Variants in GRM1 observed in about 807,000 individuals in gnomAD.
GRM1 encodes glutamate metabotropic receptor 1, also known as metabotropic glutamate receptor 1.
In GRM1, 33 loss-of-function variants were observed where a neutral mutation model predicts 90.9. The ratio of observed to expected loss-of-function variants is 0.36; its 90% CI spans 0.28 to 0.49. The LOEUF (loss-of-function observed/expected upper bound fraction) is 0.49, where lower values mean the gene tolerates loss of function less well. GRM1 is among the 20% of genes least tolerant of loss of function. The pLI is 0.99. For missense variants in GRM1, 1,190 were observed against 1,534.3 expected (o/e 0.78, Z 3.75); for synonymous variants, 700 against 613.2 (o/e 1.14, Z -2.09).
chr6:146,294,439 TG>T (rs1783105562), intron 2 of GRM1, among the ~76,000 whole-genome samples: 1 of 152,080 alleles, frequency 6.6e-6, no homozygotes, highest in Non-Finnish European at 1.5e-5. Context: ...CTCAGAGATG[TG>T]GGCTATATAT....
chr6:146,427,592 G>A (rs542218165), intron 7 of GRM1, among the ~76,000 whole-genome samples: 1 of 152,324 alleles, frequency 6.6e-6, no homozygotes, highest in African/African-American at 2.4e-5. Context: ...TCAGTGGAGT[G>A]CAATGGGAAG....
chr6:146,106,630 G>A (rs1013330645), intron 1 of GRM1, among the ~76,000 whole-genome samples: 1 of 152,132 alleles, frequency 6.6e-6, no homozygotes, highest in Non-Finnish European at 1.5e-5. Context: ...CTTAAAACAA[G>A]AAATTTGTAT....
intron 1 of GRM1, among the ~76,000 whole-genome samples, chr6:146,100,116 G>A (rs1488490854): frequency 6.6e-6 from 1 of 152,040 alleles, no homozygotes; most frequent in Non-Finnish European, 1.5e-5. Flanking sequence ...TCTATTACCA[G>A]TTAGGTTGAG....
chr6:146,380,500 T>G (rs1202982168), intron 5 of GRM1, among the ~76,000 whole-genome samples: 2 of 152,056 alleles, frequency 1.3e-5, no homozygotes, highest in African/African-American at 4.8e-5. Context: ...AGTCAGCTTG[T>G]GGTAAATGCT....
intron 3 of GRM1, among the ~76,000 whole-genome samples, chr6:146,324,594 A>G (rs1279136962): frequency 1.3e-5 from 2 of 152,182 alleles, no homozygotes; most frequent in Non-Finnish European, 2.9e-5. Context: ...GGTTGCAAAG[A>G]CAGCAGGAAA....
intron 1 of GRM1, among the ~76,000 whole-genome samples, chr6:146,038,443 A>T (rs1349815816): frequency 6.6e-6 from 1 of 152,046 alleles, no homozygotes; most frequent in African/African-American, 2.4e-5. Context: ...AAGATGCAAC[A>T]GTGCTCCATA....
At chr6:146,034,388 A>G (rs1300387394) in intron 1 of GRM1, among the ~76,000 whole-genome samples, 1 of 151,990 alleles carries the variant, frequency 6.6e-6, no homozygotes, top group Non-Finnish European at 1.5e-5. Context: ...ATAGCTGACT[A>G]GAGTAGATCT....
intron 2 of GRM1, among the ~76,000 whole-genome samples, chr6:146,253,532 A>G (rs1781375201): frequency 1.3e-5 from 2 of 152,114 alleles, no homozygotes; most frequent in South Asian, 2.1e-4. Flanking sequence ...CATTCATTTT[A>G]TATATCTTAA....
intron 1 of GRM1, among the ~76,000 whole-genome samples, chr6:146,050,678 T>G (rs1284585815): frequency 6.6e-6 from 1 of 151,672 alleles, no homozygotes; most frequent in Non-Finnish European, 1.5e-5. Context: ...TCTTAGCTGC[T>G]CATTCTCCAA....
intron 1 of GRM1, among the ~76,000 whole-genome samples, chr6:146,050,310 G>A (rs1791480394): frequency 6.6e-6 from 1 of 151,936 alleles, no homozygotes; most frequent in African/African-American, 2.4e-5. Flanking sequence ...GAAAATGTGT[G>A]TCTCTCTAGA....
chr6:146,193,891 G>T (rs1192139300), intron 2 of GRM1, among the ~76,000 whole-genome samples: 1 of 151,834 alleles, frequency 6.6e-6, no homozygotes, highest in East Asian at 1.9e-4. Context: ...ACATACCTAG[G>T]AATGTAACTA....
intron 1 of GRM1, among the ~76,000 whole-genome samples, chr6:146,071,832 C>T (rs1776026649): frequency 6.6e-6 from 1 of 152,096 alleles, no homozygotes; most frequent in South Asian, 2.1e-4. Context: ...GCCTTTAATC[C>T]TGTGTGTTTA....
intron 1 of GRM1, among the ~76,000 whole-genome samples, chr6:146,062,751 TG>T (rs1775718236): frequency 6.6e-6 from 1 of 152,180 alleles, no homozygotes; most frequent in Non-Finnish European, 1.5e-5. Flanking sequence ...CAGTGTGATT[TG>T]TTTTTGGTCG....
intron 3 of GRM1, among the ~76,000 whole-genome samples, chr6:146,326,014 G>A (rs1784388066): frequency 6.6e-6 from 1 of 152,198 alleles, no homozygotes; most frequent in Admixed American, 6.5e-5. Context: ...CACACATTTA[G>A]TTATTAGAAC....
intron 5 of GRM1, among the ~76,000 whole-genome samples, chr6:146,372,930 A>C (rs925869941): frequency 2.0e-5 from 3 of 151,932 alleles, no homozygotes; most frequent in Non-Finnish European, 4.4e-5. Flanking sequence ...TTTGCTTTAG[A>C]TAGCTTTGGT....
chr6:146,433,777 A>T, intron 7 of GRM1, 95 bp from the exon 8 acceptor site: 1 of 895,148 alleles, frequency 1.1e-6, no homozygotes, highest in African/African-American at 1.6e-5. Context: ...ACAGCAGTTA[A>T]ATCACACTGA....
At chr6:146,095,154 G>T (rs1305468127) in intron 1 of GRM1, among the ~76,000 whole-genome samples, 1 of 152,072 alleles carries the variant, frequency 6.6e-6, no homozygotes, top group African/African-American at 2.4e-5. Context: ...AATTGCATGT[G>T]ATGCCTTAAG....
intron 3 of GRM1, chr6:146,340,539 CTTTTTTT>C: frequency 6.6e-6 from 1 of 150,426 alleles, no homozygotes; most frequent in East Asian, 1.9e-4. Flanking sequence ...AGCCATATTT[CTTTTTTT>C]TGTTTTTTGT....
At chr6:146,259,566 G>A (rs764530862) in intron 2 of GRM1, among the ~76,000 whole-genome samples, 1 of 152,092 alleles carries the variant, frequency 6.6e-6, no homozygotes, top group Non-Finnish European at 1.5e-5. Context: ...TTGTCCTTCT[G>A]TGATGGCTTA....
Sources: allele counts gnomAD v4.1 joint callset (sites outside exome capture counted in the v4.1 genomes callset), GRCh38; gene constraint gnomAD v4.1.1; transcripts MANE v1.5; gene names NCBI Gene and HGNC (gene_info 2026-07-23, HGNC 2026-07-21).